Variants in COL4A2 observed in about 807,000 individuals in gnomAD.
COL4A2 encodes the protein collagen type IV alpha 2 chain.
In COL4A2, 99 loss-of-function variants were observed where a neutral mutation model predicts 200.2. That is an observed-to-expected ratio of 0.49 (90% CI 0.42 to 0.58). The LOEUF (loss-of-function observed/expected upper bound fraction) is 0.58, where lower values mean the gene tolerates loss of function less well. Among genes scored for constraint, COL4A2 ranks in the 20% least tolerant of loss-of-function variants. The pLI, the probability that COL4A2 is intolerant of heterozygous loss-of-function variation, is 0.00. For missense variants in COL4A2, 1,950 were observed against 2,314.1 expected (o/e 0.84, Z 3.23); for synonymous variants, 897 against 900.6 (o/e 1.00, Z 0.07).
intron 24 of COL4A2, among the ~76,000 whole-genome samples, chr13:110,465,179 G>A (rs1430302558): frequency 6.6e-6 from 1 of 152,218 alleles, no homozygotes; most frequent in African/African-American, 2.4e-5. Context: ...GCATGTACAT[G>A]TGCCTTCCAG....
chr13:110,507,565 G>A (rs1883929122), intron 46 of COL4A2: 1 of 273,020 alleles, frequency 3.7e-6, no homozygotes, highest in African/African-American at 2.1e-5. Context: ...GTGGCTCCTT[G>A]GGGTCAAAGA....
chr13:110,390,145 G>A (rs1295305645), intron 4 of COL4A2, among the ~76,000 whole-genome samples: 2 of 152,222 alleles, frequency 1.3e-5, no homozygotes, highest in East Asian at 1.9e-4. Flanking sequence ...GTGCAAGGAT[G>A]TAAATATTCG....
chr13:110,388,867 G>A (rs1364945272), intron 4 of COL4A2, among the ~76,000 whole-genome samples: 1 of 152,168 alleles, frequency 6.6e-6, no homozygotes, highest in Non-Finnish European at 1.5e-5. Flanking sequence ...GATCCCACAG[G>A]CCAGCTGCTT....
chr13:110,390,834 G>A (rs1451348649), intron 4 of COL4A2, among the ~76,000 whole-genome samples: 1 of 152,182 alleles, frequency 6.6e-6, no homozygotes, highest in African/African-American at 2.4e-5. Context: ...ATGAGTCCCT[G>A]TTCCCATGGT....
chr13:110,362,147 G>T (rs1403876185), intron 4 of COL4A2, among the ~76,000 whole-genome samples: 1 of 152,160 alleles, frequency 6.6e-6, no homozygotes, highest in Non-Finnish European at 1.5e-5. Flanking sequence ...AAGAGTTATG[G>T]TTCCCTAGTT....
intron 3 of COL4A2, among the ~76,000 whole-genome samples, chr13:110,336,265 T>A (rs995926088): frequency 6.6e-6 from 1 of 152,232 alleles, no homozygotes; most frequent in Non-Finnish European, 1.5e-5. Context: ...GCATAACTGA[T>A]CTTTCATGAA....
chr13:110,508,308 C>A lies in COL4A2; in HGVS notation c.4881+87C>A, dbSNP rs1403244537. On this transcript the variant is annotated intron_variant, in intron 47 of 47. Coordinates refer to ENST00000360467, the MANE Select transcript of COL4A2 (RefSeq NM_001846.4). This position sits in a 1 kb window ranked among gnomAD's most constrained non-coding sequence, Gnocchi z 6.1. Reference sequence around the variant, plus strand: ...AGCTGCCTTTGTGAGAAGAATCAGACACGGCAGTCCAGGGTGTGCACTGCA... The same window carrying A: ...AGCTGCCTTTGTGAGAAGAATCAGAAACGGCAGTCCAGGGTGTGCACTGCA... The A allele has an allele frequency of 3.2e-6, 5 of 1,564,970 alleles. No homozygotes were observed. The highest frequency in any genetic ancestry group is 4.3e-6 in the Non-Finnish European group (5 of 1,151,120).
chr13:110,368,812 A>G (rs1877866915), intron 4 of COL4A2, among the ~76,000 whole-genome samples: 2 of 130,602 alleles, frequency 1.5e-5, no homozygotes, highest in African/African-American at 6.0e-5. Context: ...TATTTAAGCT[A>G]TTTTTCTAAT....
intron 3 of COL4A2, among the ~76,000 whole-genome samples, chr13:110,347,996 C>T (rs376807808): frequency 1.7e-4 from 26 of 152,172 alleles, no homozygotes; most frequent in African/African-American, 4.1e-4. Context: ...TCTGGGAGAC[C>T]GTAAAGGATT....
intron 4 of COL4A2, among the ~76,000 whole-genome samples, chr13:110,388,539 T>A (rs553998157): frequency 7.9e-5 from 12 of 152,314 alleles, no homozygotes; most frequent in Non-Finnish European, 1.5e-5. Context: ...TTGGAAGGAA[T>A]GTGTTTATGA....
At chr13:110,486,984 C>T (rs1344446920) in intron 34 of COL4A2, among the ~76,000 whole-genome samples, 1 of 152,228 alleles carries the variant, frequency 6.6e-6, no homozygotes, top group Non-Finnish European at 1.5e-5. Flanking sequence ...TTAGCTTGGG[C>T]TCAGAGGCCT....
At chr13:110,375,624 G>A (rs1025281016) in intron 4 of COL4A2, among the ~76,000 whole-genome samples, 4 of 152,190 alleles carry the variant, frequency 2.6e-5, no homozygotes, top group African/African-American at 9.7e-5. Context: ...GTGGTCAGGA[G>A]TTCGAGACCA....
At chr13:110,506,228 T>C (rs530219377) in intron 45 of COL4A2, among the ~76,000 whole-genome samples, 187 bp from the exon 46 acceptor site, 4 of 149,450 alleles carry the variant, frequency 2.7e-5, no homozygotes, top group Admixed American at 2.7e-4. Flanking sequence ...TCACTCTCTC[T>C]CTCGGGCTGC....
intron 27 of COL4A2, among the ~76,000 whole-genome samples, chr13:110,467,998 C>T (rs1882313761): frequency 6.6e-6 from 1 of 152,210 alleles, no homozygotes; most frequent in African/African-American, 2.4e-5. Context: ...TAAGTCCCCA[C>T]CTATGCAAGA....
intron 4 of COL4A2, among the ~76,000 whole-genome samples, chr13:110,388,020 A>C (rs1250664890): frequency 1.3e-5 from 2 of 152,178 alleles, no homozygotes; most frequent in Non-Finnish European, 2.9e-5. Flanking sequence ...CGTGGACTGC[A>C]TGACTGAAAA....
chr13:110,405,030 G>A (rs1456110999), intron 4 of COL4A2, among the ~76,000 whole-genome samples: 1 of 152,190 alleles, frequency 6.6e-6, no homozygotes. Flanking sequence ...AGTGAGGATT[G>A]CTTTAGCCTA....
At chr13:110,415,977 A>G (rs966030697) in intron 4 of COL4A2, among the ~76,000 whole-genome samples, 2 of 152,280 alleles carry the variant, frequency 1.3e-5, no homozygotes, top group East Asian at 3.8e-4. Context: ...GGCACGTGCC[A>G]TTGGCACATG....
chr13:110,492,011 C>T (rs1324791115), intron 37 of COL4A2, 59 bp from the exon 38 acceptor site: 1 of 1,461,834 alleles, frequency 6.8e-7, no homozygotes. Flanking sequence ...GCCAGGACCT[C>T]ACCACACAGC....
intron 29 of COL4A2, among the ~76,000 whole-genome samples, chr13:110,476,042 G>A (rs569562975): frequency 2.0e-5 from 3 of 152,334 alleles, no homozygotes; most frequent in South Asian, 4.1e-4. Flanking sequence ...GAAGGGCAGC[G>A]CTCAGAAGCA....
Sources: allele counts gnomAD v4.1 joint callset (sites outside exome capture counted in the v4.1 genomes callset), GRCh38; gene constraint gnomAD v4.1.1; non-coding constraint Gnocchi (gnomAD v3.1); transcripts MANE v1.5; gene names NCBI Gene and HGNC (gene_info 2026-07-23, HGNC 2026-07-21).